The following COL4A1 variants were observed in gnomAD, a reference collection of about 807,000 sequenced individuals.
COL4A1 encodes the protein collagen alpha-1(IV) chain.
Under a neutral mutation model 216.6 loss-of-function variants are expected in COL4A1, and 40 were observed. The ratio of observed to expected loss-of-function variants is 0.18; its 90% CI spans 0.14 to 0.24. The LOEUF (loss-of-function observed/expected upper bound fraction) is 0.24. Among genes scored for constraint, COL4A1 ranks in the 10% least tolerant of loss-of-function variants. The probability of loss-of-function intolerance (pLI) is 1.00; values close to 1 mark genes in which losing one functional copy is unlikely to be tolerated. For missense variants in COL4A1, 1,628 were observed against 2,196.8 expected (o/e 0.74, Z 5.18); for synonymous variants, 839 against 810.7 (o/e 1.03, Z -0.59).
chr13:110,285,087 C>T (rs1360232519), intron 1 of COL4A1, among the ~76,000 whole-genome samples: 1 of 152,214 alleles, frequency 6.6e-6, no homozygotes, highest in African/African-American at 2.4e-5. Context: ...ACACTCTGAG[C>T]AGTGTTTGGA....
intron 1 of COL4A1, among the ~76,000 whole-genome samples, chr13:110,258,539 C>CA (rs1055326817): frequency 3.4e-5 from 5 of 148,744 alleles, no homozygotes; most frequent in East Asian, 2.0e-4. Context: ...GACTTCATCT[C>CA]AAAAAAAAAG....
chr13:110,245,386 C>T (rs1253998776), intron 1 of COL4A1, among the ~76,000 whole-genome samples: 1 of 152,174 alleles, frequency 6.6e-6, no homozygotes, highest in African/African-American at 2.4e-5. Context: ...CCTACAGATA[C>T]CAAAAGGAAA....
chr13:110,275,656 T>C (rs763992826), intron 1 of COL4A1, among the ~76,000 whole-genome samples: 5 of 152,202 alleles, frequency 3.3e-5, no homozygotes, highest in Non-Finnish European at 5.9e-5. Flanking sequence ...CACCACGTCT[T>C]TCACTAGGTG....
chr13:110,212,304 C>A, intron 6 of COL4A1, 113 bp downstream of exon 6: 1 of 1,325,476 alleles, frequency 7.5e-7, no homozygotes, highest in South Asian at 1.2e-5. Flanking sequence ...AGACAAGCAA[C>A]TTTCCAATTG....
chr13:110,224,293 G>T (rs1880638298), intron 2 of COL4A1, among the ~76,000 whole-genome samples: 1 of 152,136 alleles, frequency 6.6e-6, no homozygotes, highest in South Asian at 2.1e-4. Flanking sequence ...ATCAATAAGA[G>T]GTTAGCTCTC....
chr13:110,231,661 A>G (rs1054433350), intron 2 of COL4A1, among the ~76,000 whole-genome samples: 1 of 152,210 alleles, frequency 6.6e-6, no homozygotes, highest in African/African-American at 2.4e-5. Flanking sequence ...ACCCAGGCCC[A>G]CGGGTACAGC....
rs1230993430 is a variant in COL4A1 at position 110,307,077 on chromosome 13, G to A, written c.-50C>T. Reference sequence around the variant, plus strand: ...GACGGCTGCCCGGCGTGCGGGGGCCGCGGCGGACAGCTAGCTCTCGGAAGG... The same window carrying A: ...GACGGCTGCCCGGCGTGCGGGGGCCACGGCGGACAGCTAGCTCTCGGAAGG... On this transcript the variant is annotated 5_prime_UTR_variant, in exon 1 of 52. Transcript: ENST00000375820. This position sits in a 1 kb window ranked among gnomAD's most constrained non-coding sequence, Gnocchi z 5.0. 5 of 1,357,170 alleles carry A rather than the reference G, an allele frequency of 3.7e-6. No homozygotes were observed. Among genetic ancestry groups the A allele is most frequent in the South Asian group, 3.1e-5 (2 of 64,936 alleles). The allele number at this position is 1,357,170 out of a possible 1,614,324, so 84.1% of individuals were successfully genotyped here. A position where few individuals can be genotyped will look rare whatever the true frequency, so the allele number is the denominator to read the frequency against.
chr13:110,290,051 G>A (rs117006432), intron 1 of COL4A1, among the ~76,000 whole-genome samples: 1,625 of 152,328 alleles, frequency 0.011, 17 homozygotes, highest in South Asian at 0.024. Flanking sequence ...CAGCACCCTC[G>A]CAGGGGCGTC....
intron 1 of COL4A1, among the ~76,000 whole-genome samples, chr13:110,288,100 CA>C (rs60924677): frequency 0.051 from 6,618 of 130,652 alleles, 427 homozygotes; most frequent in African/African-American, 0.16. Context: ...ACTAAAAATA[CA>C]AAAAAAAAAA....
intron 42 of COL4A1, among the ~76,000 whole-genome samples, 167 bp from the exon 43 acceptor site, chr13:110,169,929 G>GGGGGGGGGAGGAAGGGAGGA (rs1555302275): frequency 7.1e-6 from 1 of 140,504 alleles, no homozygotes; most frequent in African/African-American, 2.6e-5. Context: ...AGGAAGGAAG[G>GGGGGGGGGAGGAAGGGAGGA]AGGGAGGGAG....
rs181289773 is a variant in COL4A1 at position 110,205,455 on chromosome 13, C to G, written c.903+39G>C. The G allele has an allele frequency of 8.5e-5, 137 of 1,613,550 alleles. No individual in the cohort carries two copies. In the East Asian group the frequency reaches 2.9e-3, roughly 34 times the overall value. On this transcript the variant is annotated intron_variant, in intron 16 of 51. Transcript: ENST00000375820. ...AACCGTCAGAGGCCAGTGGTAGGAA[C>G]AGTGAGCCTGCTTGTAAAAACCACA...
chr13:110,213,562 G>A (rs1166520752), intron 4 of COL4A1, among the ~76,000 whole-genome samples: 1 of 152,196 alleles, frequency 6.6e-6, no homozygotes. Flanking sequence ...CAAGGACTAA[G>A]GAGCTCAGCC....
intron 49 of COL4A1, among the ~76,000 whole-genome samples, chr13:110,159,104 G>A (rs9301432): frequency 0.14 from 20,844 of 152,138 alleles, 1,549 homozygotes; most frequent in African/African-American, 0.17. Context: ...TATTTTCAGT[G>A]GTAATAATTT....
At chr13:110,235,902 T>G (rs1881296883) in intron 2 of COL4A1, among the ~76,000 whole-genome samples, 1 of 152,054 alleles carries the variant, frequency 6.6e-6, no homozygotes. Flanking sequence ...ATGTGTAAAT[T>G]AGAGGAAAGA....
intron 45 of COL4A1, among the ~76,000 whole-genome samples, chr13:110,165,602 A>C (rs1356869413): frequency 6.5e-5 from 8 of 122,940 alleles, no homozygotes; most frequent in African/African-American, 1.6e-4. Context: ...CCTTCCACAC[A>C]CCCTCCCTCC....
At chr13:110,199,290 T>A (rs1879053064) in intron 20 of COL4A1, among the ~76,000 whole-genome samples, 1 of 152,058 alleles carries the variant, frequency 6.6e-6, no homozygotes, top group South Asian at 2.1e-4. Flanking sequence ...CATCAGGCTA[T>A]GATGAGGAGA....
At chr13:110,171,847 G>A (rs140905183) in intron 41 of COL4A1, among the ~76,000 whole-genome samples, 3 of 152,368 alleles carry the variant, frequency 2.0e-5, no homozygotes, top group Admixed American at 6.5e-5. Context: ...AAGGGGCTCT[G>A]TGTTTGAGGG....
At chr13:110,168,124 A>G (rs1227353462) in intron 43 of COL4A1, among the ~76,000 whole-genome samples, 1 of 152,024 alleles carries the variant, frequency 6.6e-6, no homozygotes, top group Admixed American at 6.6e-5. Flanking sequence ...GGTTCAAGCA[A>G]TTCTCCTGCT....
At chr13:110,204,648 A>ATTTT (rs377187830) in intron 17 of COL4A1, among the ~76,000 whole-genome samples, 4 of 142,980 alleles carry the variant, frequency 2.8e-5, no homozygotes, top group East Asian at 2.0e-4. Flanking sequence ...TATTTTTTAG[A>ATTTT]TTTTTTTTTT....
Sources: gnomAD v4.1 joint callset for allele counts (sites outside exome capture counted in the v4.1 genomes callset) on GRCh38, gnomAD v4.1.1 for gene constraint, Gnocchi (gnomAD v3.1) non-coding constraint, MANE v1.5 for transcripts, NCBI Gene and HGNC (gene_info 2026-07-23, HGNC 2026-07-21) for gene names.